Variants in GRM8 observed in about 807,000 individuals in gnomAD.
The protein encoded by GRM8 is glutamate metabotropic receptor 8.
GRM8 carries 47 observed loss-of-function variants against 87.2 expected under a neutral mutation model. The observed-to-expected ratio is 0.54, with a 90% CI of 0.43 to 0.69. The LOEUF (loss-of-function observed/expected upper bound fraction) is 0.69. Among genes scored for constraint, GRM8 ranks in the 30% least tolerant of loss-of-function variants. The pLI, the probability that GRM8 is intolerant of heterozygous loss-of-function variation, is 0.00. For synonymous variants in GRM8, 396 were observed against 404.5 expected, an observed-to-expected ratio of 0.98 and a Z score of 0.25; for missense variants, 1,019 against 1,139.2, an observed-to-expected ratio of 0.89 and a Z score of 1.52.
chr7:126,904,712 T>A (rs1802503144), intron 3 of GRM8, 29 bp from the exon 4 acceptor site: 2 of 1,605,530 alleles, frequency 1.2e-6, no homozygotes, highest in Non-Finnish European at 1.7e-6. Context: ...AGGTGGTGAT[T>A]CAGAAAGAGC....
intron 3 of GRM8, among the ~76,000 whole-genome samples, chr7:126,936,110 T>C (rs888860671): frequency 2.0e-4 from 30 of 152,200 alleles, no homozygotes; most frequent in African/African-American, 7.0e-4. Context: ...GAACTAGTTA[T>C]AACCACCTTT....
At chr7:127,101,356 TAA>T (rs1825225549) in intron 3 of GRM8, among the ~76,000 whole-genome samples, 2 of 152,118 alleles carry the variant, frequency 1.3e-5, no homozygotes, top group South Asian at 4.1e-4. Flanking sequence ...CCTCCTGATA[TAA>T]TATGAGTATT....
At chr7:126,514,498 A>G (rs1811894134) in intron 9 of GRM8, among the ~76,000 whole-genome samples, 1 of 152,112 alleles carries the variant, frequency 6.6e-6, no homozygotes, top group Admixed American at 6.6e-5. Flanking sequence ...TCTTTGTATA[A>G]CTGTGGTCAA....
At chr7:126,803,250 G>C (rs935532411) in intron 6 of GRM8, among the ~76,000 whole-genome samples, 3 of 152,168 alleles carry the variant, frequency 2.0e-5, no homozygotes, top group Non-Finnish European at 4.4e-5. Context: ...GTTCAGAGAA[G>C]CTACCAGCAG....
intron 7 of GRM8, among the ~76,000 whole-genome samples, chr7:126,646,717 A>G (rs1053428820): frequency 2.0e-5 from 3 of 152,192 alleles, no homozygotes; most frequent in Non-Finnish European, 2.9e-5. Flanking sequence ...GAGGATAGCA[A>G]TTATTTTCCT....
intron 2 of GRM8, among the ~76,000 whole-genome samples, chr7:127,149,852 TAGAGAACAAA>T (rs1828756335): frequency 6.6e-6 from 1 of 151,626 alleles, no homozygotes; most frequent in Non-Finnish European, 1.5e-5. Context: ...AAATCAGAGA[TAGAGAACAAA>T]ACAGTGGTTA....
intron 8 of GRM8, among the ~76,000 whole-genome samples, chr7:126,567,903 G>A (rs756065608): frequency 2.6e-5 from 4 of 152,064 alleles, no homozygotes; most frequent in Non-Finnish European, 5.9e-5. Flanking sequence ...AGGATGTAAG[G>A]GGTAAGCTTC....
chr7:127,239,983 A>G (rs1158329346), intron 2 of GRM8, among the ~76,000 whole-genome samples: 2 of 152,170 alleles, frequency 1.3e-5, no homozygotes, highest in African/African-American at 2.4e-5. Flanking sequence ...CATGTTAGTC[A>G]TGACATCTAC....
At chr7:126,603,533 C>G (rs12536927) in intron 8 of GRM8, among the ~76,000 whole-genome samples, 48,432 of 151,340 alleles carry the variant, frequency 0.32, 8,358 homozygotes, top group East Asian at 0.43. Context: ...GCAACTTCAG[C>G]AAAGTCTCAG....
chr7:126,886,337 CA>C (rs1419444249), intron 6 of GRM8, among the ~76,000 whole-genome samples: 4 of 152,226 alleles, frequency 2.6e-5, no homozygotes, highest in African/African-American at 9.6e-5. Context: ...ACTTTTTTAA[CA>C]AAGAAAAGCT....
chr7:127,070,950 C>T (rs1821621934), intron 3 of GRM8, among the ~76,000 whole-genome samples: 1 of 152,106 alleles, frequency 6.6e-6, no homozygotes, highest in African/African-American at 2.4e-5. Flanking sequence ...CTGAAACAGG[C>T]CATTTCATCT....
At chr7:126,545,416 C>A (rs1309703738) in intron 8 of GRM8, among the ~76,000 whole-genome samples, 1 of 151,970 alleles carries the variant, frequency 6.6e-6, no homozygotes, top group Non-Finnish European at 1.5e-5. Context: ...TTAATTGAAG[C>A]CATTGAGTTA....
chr7:126,762,080 T>C (rs1461335134), intron 7 of GRM8, among the ~76,000 whole-genome samples: 2 of 152,222 alleles, frequency 1.3e-5, no homozygotes, highest in Non-Finnish European at 2.9e-5. Flanking sequence ...CACATTGTCT[T>C]AATCTGTGTA....
chr7:127,089,361 C>T (rs1823830664), intron 3 of GRM8, among the ~76,000 whole-genome samples: 1 of 152,180 alleles, frequency 6.6e-6, no homozygotes, highest in Admixed American at 6.5e-5. Context: ...TGATTTTGGA[C>T]TTCTGGCTCC....
intron 3 of GRM8, among the ~76,000 whole-genome samples, chr7:126,996,098 T>C (rs1813152669): frequency 6.6e-6 from 1 of 152,068 alleles, no homozygotes; most frequent in Non-Finnish European, 1.5e-5. Context: ...AATAGTATAT[T>C]CTGTGAAAAT....
intron 2 of GRM8, among the ~76,000 whole-genome samples, chr7:127,234,624 G>A (rs190673801): frequency 3.3e-5 from 5 of 152,328 alleles, no homozygotes; most frequent in Admixed American, 2.0e-4. Flanking sequence ...ATGTGCAAAA[G>A]AGCAGCATCA....
At chr7:126,851,249 A>C (rs1414524983) in intron 6 of GRM8, among the ~76,000 whole-genome samples, 1 of 152,102 alleles carries the variant, frequency 6.6e-6, no homozygotes, top group African/African-American at 2.4e-5. Context: ...GAATTTGAGA[A>C]CTTGTCACCT....
chr7:126,855,612 A>T (rs1797606029), intron 6 of GRM8, among the ~76,000 whole-genome samples: 1 of 151,466 alleles, frequency 6.6e-6, no homozygotes, highest in Non-Finnish European at 1.5e-5. Flanking sequence ...AGTAGCTGGG[A>T]TTACAGGCAT....
At chr7:126,456,430 AG>A (rs1803228559) in intron 9 of GRM8, among the ~76,000 whole-genome samples, 1 of 147,586 alleles carries the variant, frequency 6.8e-6, no homozygotes, top group Non-Finnish European at 1.5e-5. Flanking sequence ...CCACAATTCT[AG>A]GGTACTACAG....
Sources: allele counts gnomAD v4.1 joint callset (sites outside exome capture counted in the v4.1 genomes callset), GRCh38; gene constraint gnomAD v4.1.1; transcripts MANE v1.5; gene names NCBI Gene and HGNC (gene_info 2026-07-23, HGNC 2026-07-21).